FTO: variants seen among roughly 807,000 people sequenced by gnomAD.
FTO encodes the protein alpha-ketoglutarate-dependent dioxygenase FTO.
In FTO, 47 loss-of-function variants were observed where a neutral mutation model predicts 63.9. That is an observed-to-expected ratio of 0.74 (90% CI 0.58 to 0.94). The LOEUF (loss-of-function observed/expected upper bound fraction) is 0.94. FTO is among the 40% of genes least tolerant of loss of function. The pLI is 0.00. For missense variants in FTO, 562 were observed against 618.1 expected (o/e 0.91, Z 0.96); for synonymous variants, 207 against 224.4 (o/e 0.92, Z 0.69).
chr16:53,892,998 A>G (rs2081190923), intron 7 of FTO, among the ~76,000 whole-genome samples: 1 of 152,216 alleles, frequency 6.6e-6, no homozygotes, highest in African/African-American at 2.4e-5. Context: ...CCTGTCCCAG[A>G]AAACACCATT....
At chr16:53,742,794 C>G (rs2076555808) in intron 1 of FTO, among the ~76,000 whole-genome samples, 1 of 152,058 alleles carries the variant, frequency 6.6e-6, no homozygotes, top group Admixed American at 6.5e-5. Context: ...AAAAGAAAGC[C>G]CAATAAGATT....
At chr16:54,082,217 C>CT (rs2086165687) in intron 8 of FTO, among the ~76,000 whole-genome samples, 1 of 152,198 alleles carries the variant, frequency 6.6e-6, no homozygotes. Flanking sequence ...TCTCTCCAAA[C>CT]TTTCCAGTTC....
intron 6 of FTO, among the ~76,000 whole-genome samples, chr16:53,883,622 C>CAAAAAAAAAAA (rs36010057): frequency 1.0e-4 from 6 of 59,334 alleles, no homozygotes; most frequent in African/African-American, 4.2e-4. Context: ...AACTCTATCT[C>CAAAAAAAAAAA]AAAAAAAAAA....
At chr16:53,931,871 AACACACACACACACAC>A (rs35135177) in intron 7 of FTO, among the ~76,000 whole-genome samples, 3 of 145,686 alleles carry the variant, frequency 2.1e-5, no homozygotes, top group Non-Finnish European at 3.0e-5. Context: ...TTTTACATTA[AACACACACACACACAC>A]ACACACACAC....
intron 7 of FTO, among the ~76,000 whole-genome samples, chr16:53,932,659 G>T: frequency 6.6e-6 from 1 of 152,060 alleles, no homozygotes; most frequent in Middle Eastern, 3.2e-3. Context: ...CAAAATGCTG[G>T]GATTACAGGC....
chr16:53,850,335 A>ATTT (rs763957071), intron 4 of FTO, among the ~76,000 whole-genome samples: 1 of 147,032 alleles, frequency 6.8e-6, no homozygotes, highest in African/African-American at 2.6e-5. Context: ...TCTTGTGTTC[A>ATTT]ATTTTTTTTT....
intron 8 of FTO, among the ~76,000 whole-genome samples, chr16:53,955,782 T>C (rs190479669): frequency 6.6e-6 from 1 of 152,230 alleles, no homozygotes; most frequent in East Asian, 1.9e-4. Context: ...ATGAGCTCTT[T>C]GAAATAAGTA....
At chr16:53,716,453 C>A (rs1038900820) in intron 1 of FTO, among the ~76,000 whole-genome samples, 1 of 152,072 alleles carries the variant, frequency 6.6e-6, no homozygotes, top group African/African-American at 2.4e-5. Context: ...TATTTACTGG[C>A]TGAGTGATCT....
At chr16:53,928,371 G>A (rs2143139899) in intron 7 of FTO, among the ~76,000 whole-genome samples, 1 of 152,248 alleles carries the variant, frequency 6.6e-6, no homozygotes, top group East Asian at 1.9e-4. Context: ...TTTAAAAATT[G>A]TTACTTGTTT....
At chr16:54,050,068 C>T (rs1301983588) in intron 8 of FTO, among the ~76,000 whole-genome samples, 1 of 152,138 alleles carries the variant, frequency 6.6e-6, no homozygotes, top group African/African-American at 2.4e-5. Flanking sequence ...GAGTGGGGGC[C>T]TGTGGGGCAG....
intron 8 of FTO, among the ~76,000 whole-genome samples, chr16:54,049,641 CAAGTGTT>C (rs1426251380): frequency 6.6e-6 from 1 of 152,176 alleles, no homozygotes; most frequent in Non-Finnish European, 1.5e-5. Context: ...TTAACTCATT[CAAGTGTT>C]AAGGTGGTGG....
chr16:53,814,885 C>T (rs781141494), intron 2 of FTO: 1 of 152,224 alleles, frequency 6.6e-6, no homozygotes, highest in Non-Finnish European at 1.5e-5. Context: ...GTTGTGAAAA[C>T]TGACAAGAGA....
chr16:53,828,691 T>A (rs576522122), intron 3 of FTO, among the ~76,000 whole-genome samples: 17 of 152,302 alleles, frequency 1.1e-4, no homozygotes, highest in African/African-American at 4.1e-4. Flanking sequence ...ACTATTGCTA[T>A]CCTCATTTTA....
chr16:53,980,929 A>T (rs1369274129), intron 8 of FTO, among the ~76,000 whole-genome samples: 2 of 152,234 alleles, frequency 1.3e-5, no homozygotes, highest in East Asian at 1.9e-4. Context: ...CAACAGATTC[A>T]TATTATACAC....
chr16:53,903,274 C>G (rs62035770), intron 7 of FTO, among the ~76,000 whole-genome samples: 1 of 142,126 alleles, frequency 7.0e-6, no homozygotes, highest in African/African-American at 2.7e-5. Context: ...TTTTTTTTTC[C>G]TTGAGACGGA....
chr16:53,914,533 T>G (rs978739287), intron 7 of FTO, among the ~76,000 whole-genome samples: 10 of 152,282 alleles, frequency 6.6e-5, no homozygotes, highest in African/African-American at 2.4e-4. Flanking sequence ...AGATCTGGTC[T>G]GTGGCAACTT....
chr16:54,029,571 C>T (rs1379161688), intron 8 of FTO, among the ~76,000 whole-genome samples: 4 of 152,106 alleles, frequency 2.6e-5, no homozygotes, highest in South Asian at 2.1e-4. Flanking sequence ...CTCTTCCTAC[C>T]GTCTTCCATT....
intron 8 of FTO, among the ~76,000 whole-genome samples, chr16:54,048,256 G>GAAAA (rs111381976): frequency 7.5e-6 from 1 of 134,022 alleles, no homozygotes; most frequent in Non-Finnish European, 1.6e-5. Context: ...AAAAATACTT[G>GAAAA]AAAAAAAAAA....
intron 8 of FTO, among the ~76,000 whole-genome samples, chr16:54,002,856 C>G (rs1483036951): frequency 6.6e-6 from 1 of 151,988 alleles, no homozygotes; most frequent in Non-Finnish European, 1.5e-5. Context: ...TGTAGAAGAC[C>G]CTTTTTAAAA....
Sources: allele counts gnomAD v4.1 joint callset (sites outside exome capture counted in the v4.1 genomes callset), GRCh38; gene constraint gnomAD v4.1.1; transcripts MANE v1.5; gene names NCBI Gene and HGNC (gene_info 2026-07-23, HGNC 2026-07-21).